Variants in ALMS1 observed in about 807,000 individuals in gnomAD.
ALMS1 encodes the protein centrosome-associated protein ALMS1.
In ALMS1, 271 loss-of-function variants were observed where a neutral mutation model predicts 352.2. The ratio of observed to expected loss-of-function variants is 0.77; its 90% CI spans 0.70 to 0.85. The LOEUF (loss-of-function observed/expected upper bound fraction) is 0.85. Ranked by LOEUF, ALMS1 falls within the 40% of genes least tolerant of loss-of-function variation. The pLI is 0.00. For synonymous variants in ALMS1, 1,865 were observed against 1,761.2 expected (o/e 1.06, Z -1.48); for missense variants, 5,445 against 4,870.7 (o/e 1.12, Z -3.51).
intron 10 of ALMS1, among the ~76,000 whole-genome samples, chr2:73,510,938 G>T (rs933448522): frequency 2.5e-4 from 38 of 152,196 alleles, no homozygotes; most frequent in African/African-American, 9.2e-4. Flanking sequence ...TAGAGAGGCA[G>T]TCTGGGCTTC....
Position 73,386,112 on chromosome 2 carries a change from G to C in ALMS1, c.244G>C (p.Ala82Pro), listed in dbSNP as rs1453391868. 3.2e-6 allele frequency: 5 copies of C among 1,584,672 alleles called. No homozygotes were observed. In the East Asian group the frequency reaches 1.2e-4, roughly 37 times the overall value. Reference protein sequence around the residue: ...EDEEAKAWLQAHPGRILPPLS... With the variant: ...EDEEAKAWLQPHPGRILPPLS... ...CGAGGAGGCCAAGGCCTGGCTGCAG[G>C]CGCACCCCGGCAGGATTTTGCCTCC... is the stretch of plus-strand genomic sequence containing the variant. The change falls in exon 1 of 23, where the codon GCG becomes CCG. Residue 82 changes from alanine (A) to proline (P), a missense_variant. Physicochemically the swap from Ala to Pro is conservative, Grantham distance 27. Coordinates refer to ENST00000613296, the MANE Select transcript of ALMS1 (RefSeq NM_001378454.1).
intron 9 of ALMS1, among the ~76,000 whole-genome samples, chr2:73,457,495 G>A (rs552877542): frequency 2.6e-5 from 4 of 151,900 alleles, no homozygotes; most frequent in South Asian, 2.1e-4. Flanking sequence ...CGCCTGCCTC[G>A]GCCTCCCAAA....
rs149150941 is a variant in ALMS1 at position 73,504,838 on chromosome 2, G to A, written c.9539+13340G>A. ...GGTGGTTTGCTGCACCCATCAACTC[G>A]TCATCTACATTACGTATTTCTCCTA... On this transcript the variant is annotated intron_variant, in intron 10 of 22. Transcript: ENST00000613296. Among the ~76,000 whole-genome samples, 565 of 151,944 alleles carry A rather than the reference G, an allele frequency of 3.7e-3. 28 individuals carry two copies. The East Asian group carries it at 0.097, about 26-fold the overall frequency.
chr2:73,390,012 A>G (rs1300711978), intron 1 of ALMS1, among the ~76,000 whole-genome samples: 4 of 152,266 alleles, frequency 2.6e-5, no homozygotes, highest in Non-Finnish European at 5.9e-5. Context: ...TCTATGGGTA[A>G]TAGAAAATCT....
chr2:73,603,684 A>G (rs1675750712), intron 21 of ALMS1: 1 of 270,638 alleles, frequency 3.7e-6, no homozygotes, highest in Non-Finnish European at 7.2e-6. Context: ...ACATGGTGAA[A>G]CTCCATCTCT....
chr2:73,419,214 A>T lies in ALMS1; in HGVS notation c.542A>T (p.Asp181Val). ...SQTRFNVRTE[D>V]TEVTDFPSLE... ...ACTAGGTTTAATGTGAGAACGGAAG[A>T]TACTGAAGTGACAGACTTCCCCTCT... is the stretch of plus-strand genomic sequence containing the variant. Residue 181 changes from aspartate (D) to valine (V), a missense_variant, in exon 3 of 23, where the codon GAT becomes GTT. By Grantham distance (152) the Asp-to-Val change is radical. Coordinates refer to ENST00000613296, the MANE Select transcript of ALMS1 (RefSeq NM_001378454.1). The T allele has an allele frequency of 1.2e-6, 2 of 1,613,970 alleles. No homozygotes were observed. The highest frequency in any genetic ancestry group is 1.1e-5 in the South Asian group (1 of 91,068).
At chr2:73,405,603 C>T (rs1670703898) in intron 1 of ALMS1, among the ~76,000 whole-genome samples, 1 of 150,454 alleles carries the variant, frequency 6.6e-6, no homozygotes, top group Admixed American at 6.6e-5. Flanking sequence ...CTTATTTTTT[C>T]CTTCTGATCA....
intron 6 of ALMS1, among the ~76,000 whole-genome samples, chr2:73,431,212 T>C (rs952947842): frequency 6.6e-6 from 1 of 152,096 alleles, no homozygotes; most frequent in Non-Finnish European, 1.5e-5. Flanking sequence ...CCTTGATGGG[T>C]ACAAAATCTT....
chr2:73,589,751 A>G (rs1283478848), intron 16 of ALMS1, among the ~76,000 whole-genome samples: 3 of 152,222 alleles, frequency 2.0e-5, no homozygotes, highest in African/African-American at 7.2e-5. Flanking sequence ...ATGAACACCC[A>G]GGAGCACCCA....
At position 73,490,401 on chromosome 2, in the gene ALMS1, A is replaced by T; in HGVS notation, c.8442A>T (p.Arg2814Ser). Residue 2814 changes from arginine (R) to serine (S), a missense_variant, in exon 10 of 23, where the codon AGA (arginine) becomes AGT (serine). Physicochemically the swap from Arg to Ser is moderately radical, Grantham distance 110. Coordinates refer to ENST00000613296, the MANE Select transcript of ALMS1 (RefSeq NM_001378454.1). ...RSFQEEKPLE[R>S]SDFTGSHSEP... is the part of the protein sequence containing the mutation. ...TTCAAGAAGAAAAACCCTTAGAAAG[A>T]TCAGATTTTACAGGCAGTCATTCTG... is the stretch of plus-strand genomic sequence containing the variant. The T allele has an allele frequency of 1.9e-6, 3 of 1,614,150 alleles. No homozygotes were observed. Among genetic ancestry groups the T allele is most frequent in the Non-Finnish European group, 2.5e-6 (3 of 1,180,024 alleles).
chr2:73,462,568 C>G (rs935402056), intron 9 of ALMS1, among the ~76,000 whole-genome samples: 1 of 152,166 alleles, frequency 6.6e-6, no homozygotes, highest in Non-Finnish European at 1.5e-5. Flanking sequence ...AAATAACCAG[C>G]TAACATCATA....
chr2:73,584,318 C>A (rs1035337608), intron 16 of ALMS1, among the ~76,000 whole-genome samples: 1 of 152,128 alleles, frequency 6.6e-6, no homozygotes, highest in Non-Finnish European at 1.5e-5. Context: ...ATTTTACTTA[C>A]ATTTTATAAG....
Position 73,449,236 on chromosome 2 carries a change from A to G in ALMS1, c.2709A>G (p.Ala903=). Residue 903 remains alanine, a synonymous_variant, in exon 8 of 23, where the codon GCA becomes GCG. Transcript: ENST00000613296. The part of the protein sequence containing the change: ...PGDQKTGIPS[A]PSSFYSHREK... ...ATCAGAAGACTGGGATACCCTCAGC[A>G]CCATCTAGTTTCTACTCACACAGAG... The G allele has an allele frequency of 6.2e-7, 1 of 1,614,040 alleles. No homozygotes were observed. The highest frequency in any genetic ancestry group is 8.5e-7 in the Non-Finnish European group (1 of 1,179,986).
intron 11 of ALMS1, among the ~76,000 whole-genome samples, chr2:73,533,267 G>C (rs746351611): frequency 1.3e-5 from 2 of 152,206 alleles, no homozygotes; most frequent in South Asian, 4.1e-4. Flanking sequence ...AGCTGGCTCT[G>C]ATTCCAGCAC....
rs1239989840 is a variant in ALMS1 at position 73,550,493 on chromosome 2, T to G, written c.10078+56T>G. ...CTTTTTCTCCCCTTTTCATCCTAAA[T>G]GAGATTACTATCCAATCTTTATCCT... On this transcript the variant is annotated intron_variant, in intron 13 of 22. Coordinates refer to ENST00000613296, the MANE Select transcript of ALMS1 (RefSeq NM_001378454.1). The G allele has an allele frequency of 1.2e-5, 19 of 1,586,786 alleles. No homozygotes were observed. The East Asian group carries it at 2.9e-4, about 24-fold the overall frequency.
At chr2:73,399,140 T>G (rs1379051409) in intron 1 of ALMS1, among the ~76,000 whole-genome samples, 1 of 152,202 alleles carries the variant, frequency 6.6e-6, no homozygotes. Flanking sequence ...CGTGAGCCAC[T>G]GCGCCTGGCC....
intron 10 of ALMS1, among the ~76,000 whole-genome samples, chr2:73,504,570 T>C (rs746281398): frequency 6.6e-6 from 1 of 152,212 alleles, no homozygotes; most frequent in Non-Finnish European, 1.5e-5. Context: ...TTACTCAGCA[T>C]ACTCACCTGG....
chr2:73,396,129 T>C (rs1670755223), intron 1 of ALMS1, among the ~76,000 whole-genome samples: 1 of 152,200 alleles, frequency 6.6e-6, no homozygotes, highest in African/African-American at 2.4e-5. Context: ...TAGATGCCCT[T>C]ATCATATTGA....
intron 6 of ALMS1, among the ~76,000 whole-genome samples, chr2:73,428,823 T>C (rs1196966407): frequency 6.6e-6 from 1 of 152,174 alleles, no homozygotes; most frequent in East Asian, 1.9e-4. Flanking sequence ...ATGGCTTAGC[T>C]TGCTTTCAGG....
Sources: gnomAD v4.1 joint callset for allele counts (sites outside exome capture counted in the v4.1 genomes callset) on GRCh38, gnomAD v4.1.1 for gene constraint, MANE v1.5 for transcripts, NCBI Gene and HGNC (gene_info 2026-07-23, HGNC 2026-07-21) for gene names.